Variants in CTNNA3 observed in about 807,000 individuals in gnomAD.
CTNNA3 encodes catenin alpha-3.
CTNNA3 carries 76 observed loss-of-function variants against 95.7 expected under a neutral mutation model. The ratio of observed to expected loss-of-function variants is 0.79; its 90% CI spans 0.66 to 0.96. The LOEUF is 0.96. Ranked by LOEUF, CTNNA3 falls within the 40% of genes least tolerant of loss-of-function variation. The probability of loss-of-function intolerance (pLI) is 0.00; values close to 1 mark genes in which losing one functional copy is unlikely to be tolerated. For synonymous variants in CTNNA3, 431 were observed against 374.4 expected (o/e 1.15, Z -1.74); for missense variants, 1,191 against 1,089.8 (o/e 1.09, Z -1.31).
intron 12 of CTNNA3, among the ~76,000 whole-genome samples, chr10:66,346,246 T>TATATAGAG (rs1416945569): frequency 3.6e-4 from 10 of 27,792 alleles, no homozygotes; most frequent in South Asian, 1.4e-3. Flanking sequence ...TATATATATA[T>TATATAGAG]AGAGAGAGAG....
chr10:66,921,076 A>C (rs1846761367), intron 7 of CTNNA3, among the ~76,000 whole-genome samples: 1 of 152,170 alleles, frequency 6.6e-6, no homozygotes, highest in Non-Finnish European at 1.5e-5. Flanking sequence ...TATTTCTCAC[A>C]GTTCTAATGG....
intron 4 of CTNNA3, among the ~76,000 whole-genome samples, chr10:67,528,880 G>A (rs1484307490): frequency 6.6e-6 from 1 of 152,056 alleles, no homozygotes; most frequent in Non-Finnish European, 1.5e-5. Flanking sequence ...ATTTTACATG[G>A]TTTAAATTTG....
chr10:65,943,469 A>T (rs2077460938), intron 17 of CTNNA3, among the ~76,000 whole-genome samples: 1 of 152,232 alleles, frequency 6.6e-6, no homozygotes, highest in Non-Finnish European at 1.5e-5. Flanking sequence ...ATATTATTTT[A>T]TGAAGTGACA....
intron 7 of CTNNA3, among the ~76,000 whole-genome samples, chr10:66,987,344 G>A (rs1850787350): frequency 6.6e-6 from 1 of 152,152 alleles, no homozygotes; most frequent in African/African-American, 2.4e-5. Flanking sequence ...ATGAGAGATG[G>A]AAGAAGTGAT....
At chr10:66,163,838 A>G (rs1044087436) in intron 13 of CTNNA3, among the ~76,000 whole-genome samples, 1 of 152,140 alleles carries the variant, frequency 6.6e-6, no homozygotes, top group Non-Finnish European at 1.5e-5. Context: ...CTATGGTGCA[A>G]TAATAGCACT....
chr10:67,268,586 AGGTCACATTG>A (rs1866929761), intron 5 of CTNNA3, among the ~76,000 whole-genome samples: 1 of 152,102 alleles, frequency 6.6e-6, no homozygotes, highest in Admixed American at 6.5e-5. Flanking sequence ...CTTTTTAATA[AGGTCACATTG>A]GGTGCTTTAA....
rs2133379261 is a variant in CTNNA3, at chr10:67,606,883, G to A, written c.266C>T (p.Ala89Val). The change falls in exon 3 of 18, where the codon GCT (alanine) becomes GTT (valine). Residue 89 changes from alanine (A) to valine (V), a missense_variant. Physicochemically the swap from Ala to Val is moderately conservative, Grantham distance 64. Coordinates refer to ENST00000433211, the MANE Select transcript of CTNNA3 (RefSeq NM_013266.4). ...TTCTTTGCGAACTTCCTCAAGTGAA[G>A]CCGTAAGCTCATCCTTTAAAACTGT... ...EATVLKDELTASLEEVRKESE... is the reference protein window; with the variant it reads ...EATVLKDELTVSLEEVRKESE... 6.2e-7 allele frequency: 1 copy of A among 1,613,900 alleles called. No homozygotes were observed. The highest frequency in any genetic ancestry group is 8.5e-7 in the Non-Finnish European group (1 of 1,179,876).
At chr10:67,350,655 C>G (rs1022412198) in intron 5 of CTNNA3, among the ~76,000 whole-genome samples, 3 of 150,474 alleles carry the variant, frequency 2.0e-5, no homozygotes, top group African/African-American at 7.3e-5. Flanking sequence ...ATCTTTACAC[C>G]ACTATTTGCC....
chr10:66,015,609 C>A (rs902157732), intron 15 of CTNNA3, among the ~76,000 whole-genome samples: 1 of 151,820 alleles, frequency 6.6e-6, no homozygotes, highest in African/African-American at 2.4e-5. Context: ...TCGTTACCTA[C>A]ATAAATAGCA....
At chr10:67,726,926 T>C (rs577682202) in intron 1 of CTNNA3, among the ~76,000 whole-genome samples, 104 of 115,826 alleles carry the variant, frequency 9.0e-4, no homozygotes, top group African/African-American at 3.5e-3. Flanking sequence ...ATGATATAAA[T>C]TATATCATAT....
intron 7 of CTNNA3, among the ~76,000 whole-genome samples, chr10:67,068,389 G>T (rs980392266): frequency 2.0e-5 from 3 of 152,188 alleles, no homozygotes; most frequent in Non-Finnish European, 4.4e-5. Flanking sequence ...CATGTGTTAC[G>T]TTGGGGGACA....
chr10:66,601,306 A>G (rs1324919313), intron 10 of CTNNA3, among the ~76,000 whole-genome samples: 2 of 151,984 alleles, frequency 1.3e-5, no homozygotes, highest in African/African-American at 4.8e-5. Flanking sequence ...TTTGTGAGAT[A>G]TCTAACTCAT....
chr10:66,658,280 T>G (rs1453853876), intron 9 of CTNNA3, among the ~76,000 whole-genome samples: 3 of 151,718 alleles, frequency 2.0e-5, no homozygotes, highest in African/African-American at 7.3e-5. Context: ...ATTTCTTCAT[T>G]TGAAAATGAA....
At chr10:66,590,380 G>A (rs1034144632) in intron 10 of CTNNA3, among the ~76,000 whole-genome samples, 12 of 152,142 alleles carry the variant, frequency 7.9e-5, no homozygotes, top group South Asian at 2.1e-4. Context: ...GAAATCACCC[G>A]TACCAGACAA....
At chr10:66,579,702 G>A (rs550699182) in intron 10 of CTNNA3, among the ~76,000 whole-genome samples, 5 of 151,594 alleles carry the variant, frequency 3.3e-5, no homozygotes, top group Admixed American at 1.3e-4. Context: ...CTTCATCTCC[G>A]AGAATTTCTT....
At chr10:66,727,725 C>T (rs930320353) in intron 9 of CTNNA3, among the ~76,000 whole-genome samples, 5 of 152,080 alleles carry the variant, frequency 3.3e-5, no homozygotes, top group African/African-American at 1.2e-4. Context: ...ATGTTGTGAA[C>T]TCATCCACTG....
chr10:66,682,498 G>T (rs1301644853), intron 9 of CTNNA3, among the ~76,000 whole-genome samples: 1 of 151,866 alleles, frequency 6.6e-6, no homozygotes, highest in Admixed American at 6.6e-5. Context: ...TAGAGAGCAA[G>T]AATTAATCTA....
intron 17 of CTNNA3, among the ~76,000 whole-genome samples, chr10:65,960,877 T>C (rs2133239179): frequency 6.6e-6 from 1 of 152,362 alleles, no homozygotes; most frequent in South Asian, 2.1e-4. Flanking sequence ...CTGCATAGTA[T>C]GCCATGGTGT....
At chr10:66,318,276 A>ATATATG (rs33943741) in intron 12 of CTNNA3, among the ~76,000 whole-genome samples, 5,054 of 136,538 alleles carry the variant, frequency 0.037, 105 homozygotes, top group African/African-American at 0.05. Context: ...ATATATATAT[A>ATATATG]TGTGTGTGTG....
Sources: allele counts gnomAD v4.1 joint callset (sites outside exome capture counted in the v4.1 genomes callset), GRCh38; gene constraint gnomAD v4.1.1; transcripts MANE v1.5; gene names NCBI Gene and HGNC (gene_info 2026-07-23, HGNC 2026-07-21).